Variants in IRAK1BP1 observed in about 807,000 individuals in gnomAD.
The protein encoded by IRAK1BP1 is interleukin 1 receptor associated kinase 1 binding protein 1, also known as interleukin-1 receptor-associated kinase 1-binding protein 1.
Under a neutral mutation model 28.0 loss-of-function variants are expected in IRAK1BP1, and 24 were observed. The observed-to-expected ratio is 0.86, with a 90% CI of 0.62 to 1.20. The LOEUF (loss-of-function observed/expected upper bound fraction) is 1.20. IRAK1BP1 is among the 50% of genes most tolerant of loss of function. The pLI is 0.00. For synonymous variants in IRAK1BP1, 131 were observed against 116.3 expected, an observed-to-expected ratio of 1.13 and a Z score of -0.81; for missense variants, 336 against 316.7, an observed-to-expected ratio of 1.06 and a Z score of -0.46.
the IRAK1BP1 span, among the ~76,000 whole-genome samples, chr6:78,971,884 C>A: frequency 6.6e-6 from 1 of 151,554 alleles, no homozygotes; most frequent in Admixed American, 6.6e-5. Context: ...TCCTACCCCA[C>A]GGAGTCTCGC....
intron 2 of IRAK1BP1, among the ~76,000 whole-genome samples, chr6:78,895,693 A>G (rs1218407365): frequency 6.6e-6 from 1 of 152,220 alleles, no homozygotes; most frequent in Non-Finnish European, 1.5e-5. Context: ...TCCATTATTT[A>G]TTCCTAGTAA....
chr6:78,947,053 G>T (rs1166859135), downstream of IRAK1BP1, among the ~76,000 whole-genome samples: 2 of 152,002 alleles, frequency 1.3e-5, no homozygotes, highest in Admixed American at 1.3e-4. Flanking sequence ...TAACAATTAT[G>T]TATTTTTGTG....
the IRAK1BP1 span, chr6:78,955,225 A>G: frequency 1.9e-6 from 3 of 1,593,416 alleles, no homozygotes; most frequent in Non-Finnish European, 2.6e-6. Flanking sequence ...AACTAAAACT[A>G]TATTACCTTC....
chr6:78,868,482 T>C (rs978997073), intron 1 of IRAK1BP1, among the ~76,000 whole-genome samples: 4 of 152,192 alleles, frequency 2.6e-5, no homozygotes, highest in African/African-American at 9.7e-5. Flanking sequence ...TAGGTTTAAC[T>C]TAAAAGAAAA....
chr6:78,932,294 A>C (rs955155443), intron 4 of IRAK1BP1, among the ~76,000 whole-genome samples: 2 of 152,126 alleles, frequency 1.3e-5, no homozygotes, highest in Non-Finnish European at 2.9e-5. Context: ...CCAATGAATC[A>C]CGAACGTTCT....
At chr6:78,965,135 T>C in the IRAK1BP1 span, among the ~76,000 whole-genome samples, 1 of 152,198 alleles carries the variant, frequency 6.6e-6, no homozygotes, top group African/African-American at 2.4e-5. Flanking sequence ...ATTACAACTA[T>C]ATCTTCATTG....
chr6:78,933,244 A>G (rs1773122214), intron 4 of IRAK1BP1, among the ~76,000 whole-genome samples: 1 of 152,186 alleles, frequency 6.6e-6, no homozygotes, highest in South Asian at 2.1e-4. Flanking sequence ...CATCAATGAT[A>G]TTAGCTAAAT....
At chr6:78,933,245 T>C (rs1277076197) in intron 4 of IRAK1BP1, among the ~76,000 whole-genome samples, 1 of 152,236 alleles carries the variant, frequency 6.6e-6, no homozygotes. Context: ...ATCAATGATA[T>C]TAGCTAAATC....
intron 1 of IRAK1BP1, among the ~76,000 whole-genome samples, chr6:78,877,912 T>C (rs1179334851): frequency 6.6e-6 from 1 of 151,484 alleles, no homozygotes; most frequent in African/African-American, 2.4e-5. Context: ...CAGTCTGATA[T>C]CGAACTGTAA....
intron 1 of IRAK1BP1, among the ~76,000 whole-genome samples, chr6:78,877,559 G>A (rs534039409): frequency 1.8e-4 from 28 of 152,290 alleles, no homozygotes; most frequent in East Asian, 3.9e-4. Context: ...AGCTCCCAGC[G>A]TGAGCGATGC....
At chr6:78,914,161 C>G (rs965927001) in intron 4 of IRAK1BP1, among the ~76,000 whole-genome samples, 2 of 151,966 alleles carry the variant, frequency 1.3e-5, no homozygotes, top group Non-Finnish European at 2.9e-5. Flanking sequence ...ACTAGGTAAT[C>G]TTAATAACTT....
chr6:78,966,990 A>C, the IRAK1BP1 span, among the ~76,000 whole-genome samples: 1 of 152,250 alleles, frequency 6.6e-6, no homozygotes, highest in African/African-American at 2.4e-5. Context: ...TTGACTAATG[A>C]GTTCTATTAA....
At chr6:78,942,059 A>C (rs1199369587) in intron 4 of IRAK1BP1, among the ~76,000 whole-genome samples, 1 of 152,196 alleles carries the variant, frequency 6.6e-6, no homozygotes, top group Non-Finnish European at 1.5e-5. Context: ...ACATGTTTTT[A>C]TTTGATATGG....
At chr6:78,903,945 G>A (rs117566001), downstream of IRAK1BP1, among the ~76,000 whole-genome samples, 2,152 of 152,230 alleles carry the variant, frequency 0.014, 19 homozygotes, top group Non-Finnish European at 0.021. Context: ...CCCTTCACAA[G>A]ACTGTGAACT....
chr6:78,973,878 A>T, the IRAK1BP1 span, among the ~76,000 whole-genome samples: 1 of 151,770 alleles, frequency 6.6e-6, no homozygotes, highest in African/African-American at 2.4e-5. Context: ...TCATAAAGCA[A>T]GTCTTGAGTG....
At chr6:78,882,436 C>T (rs1419335013) in intron 1 of IRAK1BP1, among the ~76,000 whole-genome samples, 2 of 152,148 alleles carry the variant, frequency 1.3e-5, no homozygotes, top group African/African-American at 4.8e-5. Context: ...GTGGAGGAAA[C>T]TGGCAAACAC....
chr6:78,875,553 A>G (rs1003306036), intron 1 of IRAK1BP1, among the ~76,000 whole-genome samples: 5 of 152,220 alleles, frequency 3.3e-5, no homozygotes, highest in Non-Finnish European at 7.3e-5. Flanking sequence ...TGTAGCCATA[A>G]AAAAGAACAA....
At position 78,867,598 on chromosome 6, in the gene IRAK1BP1, C is replaced by T. The variant is rs1454330610; in HGVS notation, c.22C>T (p.Pro8Ser). MSLQKTP[P>S]TRVFVELVPW... ...CGCTATGTCTCTGCAAAAGACCCCT[C>T]CGACCCGAGTGTTCGTGGAACTGGT... is the stretch of plus-strand genomic sequence containing the variant. The change falls in exon 1 of 4, where the codon CCG becomes TCG. Residue 8 changes from proline to serine, a missense_variant. Physicochemically the swap from Pro to Ser is moderately conservative, Grantham distance 74. Transcript: ENST00000369940. The T allele has an allele frequency of 6.2e-7, 1 of 1,614,124 alleles. No homozygotes were observed. Among genetic ancestry groups the T allele is most frequent in the Non-Finnish European group, 8.5e-7 (1 of 1,179,996 alleles).
intron 4 of IRAK1BP1, among the ~76,000 whole-genome samples, chr6:78,924,446 GC>G (rs1772831178): frequency 6.6e-6 from 1 of 152,112 alleles, no homozygotes; most frequent in Admixed American, 6.5e-5. Flanking sequence ...AACAAAAAAA[GC>G]CCAGGACCAG....
Sources: gnomAD v4.1 joint callset for allele counts (sites outside exome capture counted in the v4.1 genomes callset) on GRCh38, gnomAD v4.1.1 for gene constraint, MANE v1.5 for transcripts, NCBI Gene and HGNC (gene_info 2026-07-23, HGNC 2026-07-21) for gene names.